Variants in CDH12 observed in about 807,000 individuals in gnomAD.
The protein encoded by CDH12 is cadherin-12.
A neutral mutation model predicts 74.1 loss-of-function variants in CDH12; 41 were observed. The observed-to-expected ratio is 0.55, with a 90% confidence interval of 0.43 to 0.72. CDH12 has a LOEUF of 0.72. Among genes scored for constraint, CDH12 ranks in the 30% least tolerant of loss-of-function variants. The pLI, the probability that CDH12 is intolerant of heterozygous loss-of-function variation, is 0.00. For synonymous variants in CDH12, 399 were observed against 355.0 expected (o/e 1.12, Z -1.39); for missense variants, 945 against 977.2 (o/e 0.97, Z 0.44).
At chr5:22,216,780 A>G (rs1205187103) in intron 3 of CDH12, among the ~76,000 whole-genome samples, 2 of 152,064 alleles carry the variant, frequency 1.3e-5, no homozygotes, top group Non-Finnish European at 2.9e-5. Flanking sequence ...ATTTTAGAAA[A>G]AAAAGAAAGC....
At position 21,926,816 on chromosome 5, in the gene CDH12, C is replaced by T. The variant is rs140175427; in HGVS notation, c.526+48275G>A. On this transcript the variant is annotated intron_variant, in intron 6 of 14. Transcript: ENST00000382254. ...GAGTGCATGCAGGTAGAACTGTGTA[C>T]AACAATAGAGGTGATGGTAGAATGT... Among the ~76,000 whole-genome samples the T allele has an allele frequency of 3.7e-3, 560 of 152,116 alleles. 8 individuals carry two copies. The highest frequency in any genetic ancestry group is 0.013 in the African/African-American group (530 of 41,496).
intron 4 of CDH12, among the ~76,000 whole-genome samples, chr5:22,136,654 C>A (rs1288937189): frequency 6.6e-6 from 1 of 150,762 alleles, no homozygotes; most frequent in East Asian, 2.0e-4. Context: ...CCCTGTGATT[C>A]TGTTTTATTC....
intron 2 of CDH12, among the ~76,000 whole-genome samples, chr5:22,475,329 A>T (rs1247751077): frequency 6.6e-6 from 1 of 151,948 alleles, no homozygotes. Flanking sequence ...AAATGCATGC[A>T]TTTTATAATT....
At chr5:22,103,186 A>G (rs1443617345) in intron 4 of CDH12, among the ~76,000 whole-genome samples, 1 of 152,190 alleles carries the variant, frequency 6.6e-6, no homozygotes, top group Non-Finnish European at 1.5e-5. Context: ...TCTTGAATGT[A>G]TCTGGTCTCA....
intron 10 of CDH12, among the ~76,000 whole-genome samples, chr5:21,793,904 T>C (rs1289360164): frequency 6.7e-6 from 1 of 150,172 alleles, no homozygotes; most frequent in Non-Finnish European, 1.5e-5. Context: ...TGTTTATATA[T>C]TTAAAATAAC....
At chr5:22,552,060 G>C (rs941751396) in intron 1 of CDH12, among the ~76,000 whole-genome samples, 11 of 152,114 alleles carry the variant, frequency 7.2e-5, no homozygotes, top group African/African-American at 2.7e-4. Flanking sequence ...ATATAGGAGT[G>C]AACAGAGCAT....
chr5:22,619,007 A>T (rs535326794), intron 1 of CDH12, among the ~76,000 whole-genome samples: 1 of 152,194 alleles, frequency 6.6e-6, no homozygotes, highest in East Asian at 1.9e-4. Flanking sequence ...GAGTTCATTA[A>T]ACCCCTTTCC....
intron 1 of CDH12, among the ~76,000 whole-genome samples, chr5:22,628,618 T>G (rs1337197191): frequency 6.6e-6 from 1 of 152,114 alleles, no homozygotes; most frequent in Admixed American, 6.6e-5. Flanking sequence ...GGGAAGTTTA[T>G]AGCGCTAAAC....
At chr5:22,040,901 A>T (rs1739526667) in intron 5 of CDH12, among the ~76,000 whole-genome samples, 1 of 152,096 alleles carries the variant, frequency 6.6e-6, no homozygotes, top group South Asian at 2.1e-4. Flanking sequence ...CCAAATTGAG[A>T]ATACCCCAAG....
intron 1 of CDH12, among the ~76,000 whole-genome samples, chr5:22,644,580 C>A (rs913666442): frequency 1.3e-5 from 2 of 151,558 alleles, no homozygotes; most frequent in African/African-American, 4.8e-5. Flanking sequence ...GAAGAGAAGC[C>A]CTCTTCATAA....
chr5:21,896,633 T>A (rs1753135707), intron 6 of CDH12, among the ~76,000 whole-genome samples: 1 of 150,880 alleles, frequency 6.6e-6, no homozygotes, highest in East Asian at 2.0e-4. Context: ...TATAAACAAG[T>A]ATAGTTTTGC....
At position 21,751,422 on chromosome 5, in the gene CDH12, C is replaced by T. The variant is rs1579630817; in HGVS notation, c.*315G>A. On this transcript the variant is annotated 3_prime_UTR_variant, in exon 15 of 15. Coordinates refer to ENST00000382254, the MANE Select transcript of CDH12 (RefSeq NM_004061.5). ...CATAGCTATCTTCGTTCTAGGTTGT[C>T]ATGTCAGTAAATTGTATTGAATAGG... 3 of 252,408 alleles carry T rather than the reference C, an allele frequency of 1.2e-5. No homozygotes were observed. The East Asian group carries it at 2.4e-4, about 20-fold the overall frequency. The allele number at this position is 252,408 out of a possible 1,614,324, so 15.6% of individuals were successfully genotyped here.
chr5:22,049,169 T>C (rs1740171120), intron 5 of CDH12, among the ~76,000 whole-genome samples: 1 of 152,136 alleles, frequency 6.6e-6, no homozygotes, highest in African/African-American at 2.4e-5. Context: ...TATTGATACA[T>C]ACATATGCTG....
At chr5:22,391,843 T>G (rs933744526) in intron 3 of CDH12, among the ~76,000 whole-genome samples, 16 of 152,246 alleles carry the variant, frequency 1.1e-4, no homozygotes, top group African/African-American at 3.6e-4. Context: ...TTATAGACTT[T>G]AAAACTGAGA....
intron 4 of CDH12, among the ~76,000 whole-genome samples, chr5:22,094,959 C>T (rs1743663780): frequency 1.3e-5 from 2 of 152,222 alleles, no homozygotes; most frequent in Admixed American, 1.3e-4. Flanking sequence ...TCTCCCTTTG[C>T]TGACCCTCTT....
chr5:22,037,143 A>G (rs1739249637), intron 5 of CDH12, among the ~76,000 whole-genome samples: 1 of 152,254 alleles, frequency 6.6e-6, no homozygotes, highest in Non-Finnish European at 1.5e-5. Context: ...AATACCTGGT[A>G]TGGTGGGCAA....
intron 1 of CDH12, among the ~76,000 whole-genome samples, chr5:22,830,184 C>T (rs1736526900): frequency 6.6e-6 from 1 of 152,056 alleles, no homozygotes; most frequent in Admixed American, 6.6e-5. Context: ...GAATTTCCGT[C>T]ATGTGAATCA....
chr5:22,136,679 A>T (rs1746480774), intron 4 of CDH12, among the ~76,000 whole-genome samples: 1 of 150,884 alleles, frequency 6.6e-6, no homozygotes, highest in African/African-American at 2.4e-5. Flanking sequence ...TAATAGAAGC[A>T]TGTTTCTACC....
intron 1 of CDH12, among the ~76,000 whole-genome samples, chr5:22,837,070 A>C (rs1000087490): frequency 6.6e-6 from 1 of 152,180 alleles, no homozygotes. Context: ...TAATATATAA[A>C]TGAAAGAAAG....
Sources: allele counts gnomAD v4.1 joint callset (sites outside exome capture counted in the v4.1 genomes callset), GRCh38; gene constraint gnomAD v4.1.1; transcripts MANE v1.5; gene names NCBI Gene and HGNC (gene_info 2026-07-23, HGNC 2026-07-21).